GRK5: variants seen among roughly 807,000 people sequenced by gnomAD.
The protein encoded by GRK5 is G protein-coupled receptor kinase 5.
In GRK5, 40 loss-of-function variants were observed where a neutral mutation model predicts 78.4. The ratio of observed to expected loss-of-function variants is 0.51; its 90% CI spans 0.40 to 0.66. The LOEUF (loss-of-function observed/expected upper bound fraction) is 0.66, where lower values mean the gene tolerates loss of function less well. Ranked by LOEUF, GRK5 falls within the 30% of genes least tolerant of loss-of-function variation. GRK5 has a pLI of 0.00. For missense variants in GRK5, 598 were observed against 759.9 expected (o/e 0.79, Z 2.50); for synonymous variants, 289 against 296.8 (o/e 0.97, Z 0.27).
chr10:119,425,087 T>C lies in GRK5; in HGVS notation c.533+2T>C. On this transcript the variant is annotated splice_donor_variant, in intron 6 of 15. Coordinates refer to ENST00000392870, the MANE Select transcript of GRK5 (RefSeq NM_005308.3). LOFTEE classifies it high-confidence loss of function. ...TCTCCAGTGGAAGTGGTTGGAAAGG[T>C]GAGTCCACCACACCCCATACAGATC... is the stretch of plus-strand genomic sequence containing the variant. The C allele has an allele frequency of 6.3e-7, 1 of 1,597,554 alleles. No individual in the cohort carries two copies.
intron 1 of GRK5, among the ~76,000 whole-genome samples, chr10:119,241,486 G>A (rs1173552878): frequency 6.6e-6 from 1 of 152,204 alleles, no homozygotes; most frequent in African/African-American, 2.4e-5. Context: ...ACCGTTAACT[G>A]CAAACTTCTT....
At chr10:119,453,649 A>G (rs971931616) in intron 15 of GRK5, among the ~76,000 whole-genome samples, 13 of 152,226 alleles carry the variant, frequency 8.5e-5, no homozygotes, top group African/African-American at 3.1e-4. Flanking sequence ...GTGAGAGCCC[A>G]TAAAGGAGCC....
intron 4 of GRK5, among the ~76,000 whole-genome samples, chr10:119,411,284 C>G (rs1852331999): frequency 6.6e-6 from 1 of 152,134 alleles, no homozygotes; most frequent in African/African-American, 2.4e-5. Flanking sequence ...AGTCACAGGC[C>G]TTTCGTGGAT....
At chr10:119,424,261 C>T (rs931585390) in intron 5 of GRK5, among the ~76,000 whole-genome samples, 9 of 152,146 alleles carry the variant, frequency 5.9e-5, no homozygotes, top group Admixed American at 1.3e-4. Flanking sequence ...CAGACTCTGA[C>T]GTGCCCCACC....
At chr10:119,222,031 G>A (rs962340284) in intron 1 of GRK5, among the ~76,000 whole-genome samples, 4 of 152,158 alleles carry the variant, frequency 2.6e-5, no homozygotes, top group South Asian at 2.1e-4. Context: ...CCACAGCTTC[G>A]TAAGGTGTCT....
At position 119,236,370 on chromosome 10, in the gene GRK5, T is replaced by A. The variant is rs531854997; in HGVS notation, c.52+28401T>A. On this transcript the variant is annotated intron_variant, in intron 1 of 15. Transcript: ENST00000392870. ...AGCTGGGACTACAGGCGCCCGCACC[T>A]CACCTGGCTAATTTTTTGTGTTTTT... Among the ~76,000 whole-genome samples the A allele has an allele frequency of 5.3e-5, 8 of 151,642 alleles. No homozygotes were observed. In the East Asian group the frequency reaches 1.2e-3, roughly 23 times the overall value.
At chr10:119,295,389 C>T (rs1850062845) in intron 1 of GRK5, among the ~76,000 whole-genome samples, 6 of 151,892 alleles carry the variant, frequency 4.0e-5, no homozygotes, top group Admixed American at 3.9e-4. Context: ...CTAGTACAGC[C>T]ACTATGGAAA....
chr10:119,313,302 G>A (rs1564887441), intron 1 of GRK5, among the ~76,000 whole-genome samples: 1 of 150,930 alleles, frequency 6.6e-6, no homozygotes, highest in Non-Finnish European at 1.5e-5. Context: ...AATGGTGGTG[G>A]TGATGATGGT....
At chr10:119,243,496 A>T (rs186179229) in intron 1 of GRK5, among the ~76,000 whole-genome samples, 2 of 152,202 alleles carry the variant, frequency 1.3e-5, no homozygotes, top group Non-Finnish European at 2.9e-5. Context: ...AAGAGAATTT[A>T]TGGATTCATA....
rs146603337 is a variant in GRK5, at chr10:119,347,988, TC to T, written c.148+21380del. Among the ~76,000 whole-genome samples the T allele has an allele frequency of 5.2e-3, 797 of 152,314 alleles. 4 individuals are homozygous for T. The highest frequency in any genetic ancestry group is 8.7e-3 in the Non-Finnish European group (595 of 68,018). On this transcript the variant is annotated intron_variant, in intron 2 of 15. Coordinates refer to ENST00000392870, the MANE Select transcript of GRK5 (RefSeq NM_005308.3). Reference sequence around the variant, plus strand: ...TCCACAAAGGAGGGGCAGAGTGACCTCCCATAAGTGGGCTTCTCTCATCCGC... The same window carrying T: ...TCCACAAAGGAGGGGCAGAGTGACCTCCATAAGTGGGCTTCTCTCATCCGC...
intron 2 of GRK5, among the ~76,000 whole-genome samples, chr10:119,342,501 G>A (rs114050927): frequency 1.5e-3 from 231 of 152,216 alleles, no homozygotes; most frequent in African/African-American, 5.3e-3. Flanking sequence ...GGGCTGCGTA[G>A]GGTCTGGCCT....
intron 1 of GRK5, among the ~76,000 whole-genome samples, chr10:119,215,499 G>T (rs1193692962): frequency 6.6e-6 from 1 of 150,698 alleles, no homozygotes; most frequent in Non-Finnish European, 1.5e-5. Flanking sequence ...AATAGGGAAG[G>T]GGGTGCGGAG....
At chr10:119,387,318 A>C (rs534406106) in intron 3 of GRK5, among the ~76,000 whole-genome samples, 4 of 152,186 alleles carry the variant, frequency 2.6e-5, no homozygotes, top group African/African-American at 9.6e-5. Flanking sequence ...GTGCAGTCTT[A>C]ATGTCCACAT....
intron 1 of GRK5, among the ~76,000 whole-genome samples, chr10:119,218,847 C>G (rs1181168975): frequency 1.3e-5 from 2 of 151,912 alleles, no homozygotes; most frequent in African/African-American, 4.8e-5. Context: ...ATGACTGATG[C>G]TACACAGCTT....
At chr10:119,289,345 G>T (rs1227059355) in intron 1 of GRK5, among the ~76,000 whole-genome samples, 1 of 152,172 alleles carries the variant, frequency 6.6e-6, no homozygotes, top group African/African-American at 2.4e-5. Context: ...GAAGACTTAG[G>T]ACTGGACCAG....
At chr10:119,243,766 T>C (rs1318782434) in intron 1 of GRK5, among the ~76,000 whole-genome samples, 1 of 152,132 alleles carries the variant, frequency 6.6e-6, no homozygotes, top group African/African-American at 2.4e-5. Flanking sequence ...GTGGAATGAC[T>C]TACTGAAGAA....
Position 119,423,094 on chromosome 10 carries a change from C to T in GRK5, c.340-72C>T, listed in dbSNP as rs530229787. The T allele has an allele frequency of 3.9e-5, 39 of 1,006,550 alleles. No homozygotes were observed. The South Asian group carries it at 5.0e-4, about 13-fold the overall frequency. 62.4% of individuals were successfully genotyped at this position (1,006,550 alleles called of 1,614,324 possible). Reference sequence around the variant, plus strand: ...GGAGCGTGGCTGGTTCTTGGCCCAACACCTGTGGGCAAACCCGGCCGCACT... The same window carrying T: ...GGAGCGTGGCTGGTTCTTGGCCCAATACCTGTGGGCAAACCCGGCCGCACT... On this transcript the variant is annotated intron_variant, in intron 4 of 15. Transcript: ENST00000392870.
intron 1 of GRK5, among the ~76,000 whole-genome samples, chr10:119,289,533 C>A (rs1849914545): frequency 6.6e-6 from 1 of 152,188 alleles, no homozygotes; most frequent in African/African-American, 2.4e-5. Flanking sequence ...ATCCTCACTT[C>A]CAGCTGGTGG....
At chr10:119,311,553 A>G (rs34055828) in intron 1 of GRK5, among the ~76,000 whole-genome samples, 70,471 of 151,964 alleles carry the variant, frequency 0.46, 16,921 homozygotes, top group East Asian at 0.76. Context: ...TTGGGAGGCC[A>G]AGGCAGGTGG....
Sources: allele counts gnomAD v4.1 joint callset (sites outside exome capture counted in the v4.1 genomes callset), GRCh38; gene constraint gnomAD v4.1.1; transcripts MANE v1.5; gene names NCBI Gene and HGNC (gene_info 2026-07-23, HGNC 2026-07-21).